ZC3H13: variants seen among roughly 807,000 people sequenced by gnomAD.
The protein encoded by ZC3H13 is zinc finger CCCH-type containing 13.
In ZC3H13, 64 loss-of-function variants were observed where a neutral mutation model predicts 204.1. That is an observed-to-expected ratio of 0.31 (90% CI 0.26 to 0.39). The LOEUF (loss-of-function observed/expected upper bound fraction) is 0.39. Ranked by LOEUF, ZC3H13 falls within the 10% of genes least tolerant of loss-of-function variation. ZC3H13 has a pLI of 1.00. For synonymous variants in ZC3H13, 667 were observed against 693.7 expected (o/e 0.96, Z 0.60); for missense variants, 1,833 against 2,082.7 (o/e 0.88, Z 2.33).
At position 45,969,840 on chromosome 13, in the gene ZC3H13, A is replaced by G; in HGVS notation, c.2704T>C (p.Ser902Pro). The part of the protein sequence containing the change: ...EDRKPERKES[S>P]RRYEEQELKE... ...AGTTCCTGTTCTTCGTAGCGCCTTGAACTCTCTTTCCTTTCTGGTTTACGA... is the reference window on the plus strand; with the variant it reads ...AGTTCCTGTTCTTCGTAGCGCCTTGGACTCTCTTTCCTTTCTGGTTTACGA... Residue 902 changes from serine to proline, a missense_variant, in exon 14 of 19, where the codon TCA becomes CCA. Physicochemically the swap from Ser to Pro is moderately conservative, Grantham distance 74 (BLOSUM62 -1). This residue lies in a region of ZC3H13 where 1,574 missense variants were observed against 1,757.2 expected (regional missense o/e 0.90). Transcript: ENST00000679008. 6.2e-7 allele frequency: 1 copy of G among 1,613,702 alleles called. No individual in the cohort carries two copies. Among genetic ancestry groups the G allele is most frequent in the Non-Finnish European group, 8.5e-7 (1 of 1,179,954 alleles).
intron 5 of ZC3H13, among the ~76,000 whole-genome samples, chr13:46,015,504 G>C (rs930143356): frequency 6.6e-6 from 1 of 152,020 alleles, no homozygotes; most frequent in African/African-American, 2.4e-5. Context: ...AATGTTTGTG[G>C]CTTCTGGGTT....
rs1033569778 is a variant in ZC3H13, at chr13:45,959,330, C to G, written c.4839+153G>C. Reference sequence around the variant, plus strand: ...TTGAAGTAAAATAAAGCATATTATACATTTTAATGGCATTCTTCTTTTTAC... The same window carrying G: ...TTGAAGTAAAATAAAGCATATTATAGATTTTAATGGCATTCTTCTTTTTAC... On this transcript the variant is annotated intron_variant, in intron 18 of 18. Coordinates refer to ENST00000679008, the MANE Select transcript of ZC3H13 (RefSeq NM_001330564.2). Among the ~76,000 whole-genome samples the G allele has an allele frequency of 5.3e-5, 8 of 152,130 alleles. No homozygotes were observed. The South Asian group carries it at 1.0e-3, about 20-fold the overall frequency.
intron 10 of ZC3H13, among the ~76,000 whole-genome samples, chr13:45,984,312 C>T (rs1953977396): frequency 6.6e-6 from 1 of 152,052 alleles, no homozygotes; most frequent in East Asian, 1.9e-4. Flanking sequence ...GGTCAGGGTA[C>T]AACGGAGGCT....
chr13:45,958,664 T>C (rs1310482900), intron 18 of ZC3H13, among the ~76,000 whole-genome samples: 2 of 149,072 alleles, frequency 1.3e-5, no homozygotes, highest in Non-Finnish European at 3.0e-5. Flanking sequence ...TTTTTTTTTT[T>C]TTTTTTTTTG....
rs760500201 is a variant in ZC3H13, at chr13:45,969,935, G to A, written c.2609C>T (p.Pro870Leu). Residue 870 changes from proline (P) to leucine (L), a missense_variant, in exon 14 of 19, where the codon CCT (proline) becomes CTT (leucine). This residue lies in a region of ZC3H13 where 1,574 missense variants were observed against 1,757.2 expected (regional missense o/e 0.90). Coordinates refer to ENST00000679008, the MANE Select transcript of ZC3H13 (RefSeq NM_001330564.2). ...KHRLLSQVVR[P>L]QESRSLSPSH... ...GGGACTAAGAGAACGAGATTCTTGA[G>A]GTCGTACAACTTGGCTCAAGAGTCT... 3.7e-6 allele frequency: 6 copies of A among 1,612,704 alleles called. No homozygotes were observed. The highest frequency in any genetic ancestry group is 5.1e-6 in the Non-Finnish European group (6 of 1,179,844).
Position 45,981,447 on chromosome 13 carries a change from G to A in ZC3H13, c.1721-1443C>T, listed in dbSNP as rs1024385499. Among the ~76,000 whole-genome samples, 6 of 151,994 alleles carry A rather than the reference G, an allele frequency of 3.9e-5. No homozygotes were observed. The East Asian group carries it at 5.8e-4, about 15-fold the overall frequency. Reference sequence around the variant, plus strand: ...GTGAATAGTGCCGCAATAAACATACGTGTGCATGTGTCTTTATAGCAGCAT... The same window carrying A: ...GTGAATAGTGCCGCAATAAACATACATGTGCATGTGTCTTTATAGCAGCAT... On this transcript the variant is annotated intron_variant, in intron 10 of 18. Coordinates refer to ENST00000679008, the MANE Select transcript of ZC3H13 (RefSeq NM_001330564.2).
chr13:45,983,429 T>A (rs1953871650), intron 10 of ZC3H13, among the ~76,000 whole-genome samples: 2 of 47,596 alleles, frequency 4.2e-5, no homozygotes, highest in African/African-American at 3.1e-4. Context: ...TTTTTTTTTT[T>A]TTTTTTTTTT....
chr13:46,003,273 T>C lies in ZC3H13; in HGVS notation c.810A>G (p.Ile270Met). ...TTTTCCCCAGAGCGATATCTTCTGGTATAGGAGGGGGTGGACTAGGAGTAC... is the reference window on the plus strand; with the variant it reads ...TTTTCCCCAGAGCGATATCTTCTGGCATAGGAGGGGGTGGACTAGGAGTAC... ...GPRTPSPPPP[I>M]PEDIALGKKY... The change falls in exon 8 of 19, where the codon ATA becomes ATG. Residue 270 changes from isoleucine (I) to methionine (M), a missense_variant. Around this residue, in one of 5 missense-constraint regions of ZC3H13, gnomAD observed 1,574 missense variants for 1,757.2 expected, o/e 0.90. Transcript: ENST00000679008. 1.2e-6 allele frequency: 2 copies of C among 1,613,142 alleles called. No individual in the cohort carries two copies. Among genetic ancestry groups the C allele is most frequent in the Non-Finnish European group, 1.7e-6 (2 of 1,179,786 alleles).
In ZC3H13 at chr13:45,965,304, G is replaced by T. The variant is rs750260656; in HGVS notation, c.4450C>A (p.Gln1484Lys). ...LAGDAEKRED[Q>K]QDEEKMPDPL... ...CCTGGCATCTTCTCCTCATCCTGTT[G>T]GTCCTCCCTCTTTTCTGCATCACCT... is the stretch of plus-strand genomic sequence containing the variant. Residue 1484 changes from glutamine to lysine, a missense_variant, in exon 16 of 19, where the codon CAA becomes AAA. Around this residue, in one of 5 missense-constraint regions of ZC3H13, gnomAD observed 211 missense variants for 228.4 expected, o/e 0.92. Coordinates refer to ENST00000679008, the MANE Select transcript of ZC3H13 (RefSeq NM_001330564.2). 2 of 1,613,026 alleles carry T rather than the reference G, an allele frequency of 1.2e-6. No individual in the cohort carries two copies. The highest frequency in any genetic ancestry group is 2.7e-5 in the African/African-American group (2 of 74,806).
intron 6 of ZC3H13, 65 bp downstream of exon 6, chr13:46,011,348 TGA>T: frequency 7.0e-7 from 1 of 1,422,662 alleles, no homozygotes. Context: ...AGCAAGAAGC[TGA>T]GTTATCTGAT....
intron 1 of ZC3H13, among the ~76,000 whole-genome samples, 158 bp from the exon 2 acceptor site, chr13:46,045,674 G>A (rs776698570): frequency 5.3e-5 from 8 of 151,902 alleles, no homozygotes; most frequent in Non-Finnish European, 1.2e-4. Flanking sequence ...GAGGTCACAG[G>A]TAAACAGAGA....
chr13:46,008,754 G>GT (rs1183228417), intron 7 of ZC3H13, among the ~76,000 whole-genome samples: 1 of 152,094 alleles, frequency 6.6e-6, no homozygotes, highest in Non-Finnish European at 1.5e-5. Context: ...GAAGTGGAGC[G>GT]TATCACTCTC....
chr13:46,005,707 T>G (rs937847998), intron 7 of ZC3H13, among the ~76,000 whole-genome samples: 3 of 152,178 alleles, frequency 2.0e-5, no homozygotes, highest in Admixed American at 6.5e-5. Context: ...CAGGCTGGTC[T>G]CAAACTCTTG....
At chr13:46,047,117 A>G (rs2139220389) in intron 1 of ZC3H13, among the ~76,000 whole-genome samples, 1 of 152,320 alleles carries the variant, frequency 6.6e-6, no homozygotes, top group South Asian at 2.1e-4. Context: ...TTGAAACAGC[A>G]ATAAAAAATT....
chr13:45,978,288 G>A (rs960899531), intron 11 of ZC3H13, among the ~76,000 whole-genome samples: 6 of 152,050 alleles, frequency 3.9e-5, no homozygotes, highest in African/African-American at 1.4e-4. Context: ...TGTACCTCAA[G>A]TGCCTAGCAA....
At chr13:46,043,911 G>T (rs9526134) in intron 3 of ZC3H13, among the ~76,000 whole-genome samples, 113,780 of 151,698 alleles carry the variant, frequency 0.75, 43,155 homozygotes, top group African/African-American at 0.85. Context: ...AACATTAAAA[G>T]TATCGAAATA....
At chr13:45,961,687 T>C (rs888454309) in intron 17 of ZC3H13, among the ~76,000 whole-genome samples, 8 of 151,808 alleles carry the variant, frequency 5.3e-5, no homozygotes, top group African/African-American at 1.7e-4. Context: ...GTAGAAACTG[T>C]TATTGTCAAT....
In ZC3H13 at chr13:45,988,912, T is replaced by C. The variant is rs769333725; in HGVS notation, c.1130A>G (p.His377Arg). 1.2e-6 allele frequency: 2 copies of C among 1,614,086 alleles called. No homozygotes were observed. Among genetic ancestry groups the C allele is most frequent in the Admixed American group, 1.7e-5 (1 of 60,008 alleles). Residue 377 changes from histidine to arginine, a missense_variant, in exon 9 of 19, where the codon CAT becomes CGT. Transcript: ENST00000679008. ...LRRSASPYPSHSLSSPQRKQS... is the reference protein window; with the variant it reads ...LRRSASPYPSRSLSSPQRKQS... ...CTTTCTCTGGGGAGACGACAAAGAA[T>C]GTGAAGGATAAGGAGAGGCAGAGCG...
At chr13:45,970,231 ATATT>A (rs772565257) in intron 13 of ZC3H13, 127 bp downstream of exon 13, 1 of 992,142 alleles carries the variant, frequency 1.0e-6, no homozygotes, top group Non-Finnish European at 1.5e-6. Flanking sequence ...ACAAAAGGAG[ATATT>A]TAGAGGCAGC....
Sources: gnomAD v4.1 joint callset for allele counts (sites outside exome capture counted in the v4.1 genomes callset) on GRCh38, gnomAD v4.1.1 for gene constraint, gnomAD v4.1.1 regional missense constraint, MANE v1.5 for transcripts, NCBI Gene and HGNC (gene_info 2026-07-23, HGNC 2026-07-21) for gene names.